Variants in TJP1 observed in about 807,000 individuals in gnomAD.
TJP1 encodes tight junction protein 1, also known as tight junction protein ZO-1.
A neutral mutation model predicts 194.2 loss-of-function variants in TJP1; 43 were observed. That is an observed-to-expected ratio of 0.22 (90% CI 0.17 to 0.29). The LOEUF (loss-of-function observed/expected upper bound fraction) is 0.29, where lower values mean the gene tolerates loss of function less well. TJP1 is among the 10% of genes least tolerant of loss of function. The pLI, the probability that TJP1 is intolerant of heterozygous loss-of-function variation, is 1.00. For missense variants in TJP1, 1,971 were observed against 2,185.7 expected (o/e 0.90, Z 1.96); for synonymous variants, 801 against 779.0 (o/e 1.03, Z -0.47).
chr15:29,732,964 A>C, intron 13 of TJP1, 130 bp downstream of exon 13: 2 of 1,262,128 alleles, frequency 1.6e-6, no homozygotes, highest in Non-Finnish European at 2.2e-6. Flanking sequence ...TTGTAAACCT[A>C]AGTCAGTTAT....
intron 26 of TJP1, among the ~76,000 whole-genome samples, chr15:29,704,712 G>A (rs1293273029): frequency 3.9e-5 from 6 of 152,060 alleles, no homozygotes; most frequent in Non-Finnish European, 8.8e-5. Context: ...CAATCATATG[G>A]GTCTATAATA....
chr15:29,836,219 GA>G (rs1187371377), intron 2 of TJP1, among the ~76,000 whole-genome samples: 1 of 152,042 alleles, frequency 6.6e-6, no homozygotes, highest in Non-Finnish European at 1.5e-5. Flanking sequence ...GTTTCAACTG[GA>G]CTTACTGCTG....
intron 1 of TJP1, among the ~76,000 whole-genome samples, chr15:29,963,226 C>T (rs1384950027): frequency 2.0e-5 from 3 of 152,064 alleles, no homozygotes; most frequent in Non-Finnish European, 4.4e-5. Flanking sequence ...ATGAGTGGGC[C>T]GGGGGACCAC....
intron 27 of TJP1, 115 bp downstream of exon 27, chr15:29,704,047 C>T (rs928459925): frequency 3.8e-5 from 43 of 1,144,844 alleles, no homozygotes; most frequent in Non-Finnish European, 5.1e-5. Context: ...GCCTACAAGG[C>T]CACAGGAACA....
intron 2 of TJP1, among the ~76,000 whole-genome samples, chr15:29,832,058 TTCCTG>T (rs2152047044): frequency 6.6e-6 from 1 of 152,300 alleles, no homozygotes; most frequent in Admixed American, 6.5e-5. Flanking sequence ...CCATACATTA[TTCCTG>T]TCCCTGTTTG....
At chr15:29,699,645 GGT>G (rs1175798189), downstream of TJP1, 1 of 152,096 alleles carries the variant, frequency 6.6e-6, no homozygotes, top group African/African-American at 2.4e-5. Flanking sequence ...AGTCCACAAA[GGT>G]GTTTACTGAA....
intron 10 of TJP1, among the ~76,000 whole-genome samples, chr15:29,738,842 A>T (rs1301641260): frequency 7.0e-6 from 1 of 143,204 alleles, no homozygotes; most frequent in East Asian, 2.2e-4. Context: ...GCCCTGATCA[A>T]CACAGCAAGA....
At position 29,716,111 on chromosome 15, in the gene TJP1, G is replaced by C. The variant is rs141169471; in HGVS notation, c.4202+500C>G. Among the ~76,000 whole-genome samples the C allele has an allele frequency of 2.9e-3, 443 of 152,284 alleles. 1 individual carries two copies. The highest frequency in any genetic ancestry group is 9.5e-3 in the South Asian group (46 of 4,824). ...CAGCAAGCACAGGGAAAAGATGACTGGGAGTCAAGAAACTTGGGGTTCAGT... is the reference window on the plus strand; with the variant it reads ...CAGCAAGCACAGGGAAAAGATGACTCGGAGTCAAGAAACTTGGGGTTCAGT... On this transcript the variant is annotated intron_variant, in intron 23 of 27. Coordinates refer to ENST00000614355, the MANE Select transcript of TJP1 (RefSeq NM_001330239.4).
intron 2 of TJP1, among the ~76,000 whole-genome samples, chr15:29,948,638 C>T (rs1008295657): frequency 2.6e-5 from 4 of 152,096 alleles, no homozygotes; most frequent in Non-Finnish European, 5.9e-5. Flanking sequence ...TGGCATGGCA[C>T]AAGCCTACCG....
At position 29,966,875 on chromosome 15, in the gene TJP1, T is replaced by C. The variant is rs151063529; in HGVS notation, c.173+1792A>G. Among the ~76,000 whole-genome samples the C allele has an allele frequency of 4.6e-3, 708 of 152,268 alleles. 17 individuals are homozygous for C. The highest frequency in any genetic ancestry group is 0.042 in the Admixed American group (638 of 15,298). Reference sequence around the variant, plus strand: ...CACATACCATCAATCTGAGAAGCGATCTTCAAATGTTACCCCTTCTTCCTT... The same window carrying C: ...CACATACCATCAATCTGAGAAGCGACCTTCAAATGTTACCCCTTCTTCCTT... On this transcript the variant is annotated intron_variant, in intron 1 of 28. Coordinates refer to the TJP1 transcript ENST00000356107.
intron 8 of TJP1, among the ~76,000 whole-genome samples, chr15:29,749,107 C>T (rs532218162): frequency 6.6e-6 from 1 of 151,040 alleles, no homozygotes; most frequent in African/African-American, 2.4e-5. Flanking sequence ...CTCTTATGGG[C>T]ACTTTTGCTT....
intron 2 of TJP1, among the ~76,000 whole-genome samples, chr15:29,782,360 C>G (rs4553573): frequency 6.6e-6 from 1 of 151,968 alleles, no homozygotes; most frequent in African/African-American, 2.4e-5. Flanking sequence ...CACAGACCAA[C>G]GGAACGTAAC....
intron 2 of TJP1, among the ~76,000 whole-genome samples, chr15:29,851,926 C>T (rs1236433789): frequency 6.6e-6 from 1 of 151,542 alleles, no homozygotes; most frequent in African/African-American, 2.4e-5. Flanking sequence ...TGGACAATCA[C>T]AGGCAAAAAA....
At chr15:29,926,448 A>C (rs2054528113) in intron 2 of TJP1, among the ~76,000 whole-genome samples, 4 of 152,036 alleles carry the variant, frequency 2.6e-5, no homozygotes, top group African/African-American at 9.7e-5. Context: ...CGTCTCTACA[A>C]AAAAATGCAA....
intron 2 of TJP1, among the ~76,000 whole-genome samples, chr15:29,842,964 T>C (rs991936931): frequency 6.6e-6 from 1 of 152,154 alleles, no homozygotes; most frequent in East Asian, 1.9e-4. Context: ...TCCTTACCAA[T>C]AAAAATGGGA....
chr15:29,841,701 T>C (rs1218455734), intron 2 of TJP1, among the ~76,000 whole-genome samples: 2 of 152,062 alleles, frequency 1.3e-5, no homozygotes, highest in Admixed American at 1.3e-4. Flanking sequence ...CCTGTTTTTT[T>C]CCTTCCTTCC....
At chr15:29,791,087 C>T (rs1047201906) in intron 2 of TJP1, among the ~76,000 whole-genome samples, 6 of 150,978 alleles carry the variant, frequency 4.0e-5, no homozygotes, top group Non-Finnish European at 7.4e-5. Flanking sequence ...AGTGCAATGG[C>T]GCGATTTCGG....
At chr15:29,896,540 G>A (rs2053482574) in intron 2 of TJP1, among the ~76,000 whole-genome samples, 1 of 152,202 alleles carries the variant, frequency 6.6e-6, no homozygotes, top group Non-Finnish European at 1.5e-5. Context: ...ACCCGAAAAT[G>A]TGGAAGCAAC....
intron 24 of TJP1, among the ~76,000 whole-genome samples, chr15:29,709,317 T>C (rs2042098717): frequency 6.6e-6 from 1 of 152,098 alleles, no homozygotes; most frequent in African/African-American, 2.4e-5. Context: ...AAAACTAGAA[T>C]GCCCAATAAT....
Sources: gnomAD v4.1 joint callset for allele counts (sites outside exome capture counted in the v4.1 genomes callset) on GRCh38, gnomAD v4.1.1 for gene constraint, MANE v1.5 for transcripts, NCBI Gene and HGNC (gene_info 2026-07-23, HGNC 2026-07-21) for gene names.